Variants in FSIP2 observed in about 807,000 individuals in gnomAD.
FSIP2 encodes the protein fibrous sheath-interacting protein 2.
A neutral mutation model predicts 510.5 loss-of-function variants in FSIP2; 367 were observed. The observed-to-expected ratio is 0.72, with a 90% CI of 0.66 to 0.78. The LOEUF (loss-of-function observed/expected upper bound fraction) is 0.78, where lower values mean the gene tolerates loss of function less well. Ranked by LOEUF, FSIP2 falls within the 30% of genes least tolerant of loss-of-function variation. FSIP2 has a pLI of 0.00. For missense variants in FSIP2, 7,594 were observed against 7,901.7 expected (o/e 0.96, Z 1.48); for synonymous variants, 2,601 against 2,732.2 (o/e 0.95, Z 1.50).
In FSIP2 at chr2:185,794,070, C is replaced by G; in HGVS notation, c.6934C>G (p.Leu2312Val). ...SSQVESDVNV[L>V]KISATETILS... ...CCAAGTGGAATCAGATGTAAATGTC[C>G]TGAAAATATCAGCAACTGAAACCAT... Residue 2312 changes from leucine to valine, a missense_variant, in exon 16 of 23, where the codon CTG becomes GTG. By Grantham distance (32) the Leu-to-Val change is conservative. Transcript: ENST00000424728. 1 of 1,531,372 alleles carries G rather than the reference C, an allele frequency of 6.5e-7. No individual in the cohort carries two copies. The highest frequency in any genetic ancestry group is 1.2e-5 in the South Asian group (1 of 83,580). 94.9% of individuals were successfully genotyped at this position (1,531,372 alleles called of 1,614,324 possible). A position where few individuals can be genotyped will look rare whatever the true frequency, so the allele number is the denominator to read the frequency against.
chr2:185,825,871 T>A (rs2105685753), intron 20 of FSIP2, among the ~76,000 whole-genome samples: 1 of 151,980 alleles, frequency 6.6e-6, no homozygotes, highest in African/African-American at 2.4e-5. Flanking sequence ...TTAAACAAGA[T>A]AATTCCAGAC....
At position 185,802,461 on chromosome 2, in the gene FSIP2, T is replaced by C. The variant is rs765767431; in HGVS notation, c.13155T>C (p.His4385=). The C allele has an allele frequency of 2.0e-6, 3 of 1,533,660 alleles. No homozygotes were observed. Among genetic ancestry groups the C allele is most frequent in the Middle Eastern group, 1.7e-4 (1 of 5,996 alleles). The part of the protein sequence containing the change: ...TSVYRNALKQ[H]GLDLAVDKES... Reference sequence around the variant, plus strand: ...TTTATAGAAATGCTTTAAAGCAGCATGGGCTAGACCTTGCTGTTGATAAAG... The same window carrying C: ...TTTATAGAAATGCTTTAAAGCAGCACGGGCTAGACCTTGCTGTTGATAAAG... The change falls in exon 17 of 23, where the codon CAT becomes CAC. Residue 4385 remains histidine (H), a synonymous_variant. Transcript: ENST00000424728.
intron 13 of FSIP2, among the ~76,000 whole-genome samples, chr2:185,775,455 T>C (rs1325074415): frequency 1.3e-5 from 2 of 151,614 alleles, no homozygotes; most frequent in Admixed American, 6.6e-5. Flanking sequence ...TTTGTTTGAG[T>C]TCATTGTAGA....
chr2:185,800,386 G>T lies in FSIP2; in HGVS notation c.11080G>T (p.Glu3694Ter). The T allele has an allele frequency of 6.5e-7, 1 of 1,527,700 alleles. No individual in the cohort carries two copies. Among genetic ancestry groups the T allele is most frequent in the East Asian group, 2.5e-5 (1 of 40,794 alleles). The allele number at this position is 1,527,700 out of a possible 1,614,324, so 94.6% of individuals were successfully genotyped here. A position where few individuals can be genotyped will look rare whatever the true frequency, so the allele number is the denominator to read the frequency against. ...TAACCTAAAAACAAGTGAATCCAAA[G>T]AAGTAGTCAATAAAGTTTTTAATAT... ...VGNLKTSESK[E>*]VVNKVFNIVS... Residue 3694 changes from glutamate to a stop codon, truncating the protein, a stop_gained, in exon 17 of 23, where the codon GAA becomes TAA. Coordinates refer to ENST00000424728, the MANE Select transcript of FSIP2 (RefSeq NM_173651.4). LOFTEE classifies it high-confidence loss of function.
At chr2:185,811,711 G>A (rs1230750078) in intron 17 of FSIP2, among the ~76,000 whole-genome samples, 1 of 152,060 alleles carries the variant, frequency 6.6e-6, no homozygotes, top group Non-Finnish European at 1.5e-5. Flanking sequence ...AGGCCTAGGA[G>A]CAAAGAATGG....
At chr2:185,759,373 CTACTT>C (rs1399249002) in intron 9 of FSIP2, among the ~76,000 whole-genome samples, 2 of 147,330 alleles carry the variant, frequency 1.4e-5, no homozygotes, top group Non-Finnish European at 3.0e-5. Context: ...TGGATAAACT[CTACTT>C]ATTCATAATG....
In FSIP2 at chr2:185,795,326, G is replaced by T. The variant is rs1559029235; in HGVS notation, c.8190G>T (p.Leu2730Phe). 2 of 1,534,786 alleles carry T rather than the reference G, an allele frequency of 1.3e-6. No homozygotes were observed. Among genetic ancestry groups the T allele is most frequent in the Admixed American group, 2.0e-5 (1 of 50,878 alleles). The change falls in exon 16 of 23, where the codon TTG (leucine) becomes TTT (phenylalanine). Residue 2730 changes from leucine to phenylalanine, a missense_variant. Leu to Phe is a conservative substitution (Grantham distance 22, BLOSUM62 0). Coordinates refer to ENST00000424728, the MANE Select transcript of FSIP2 (RefSeq NM_173651.4). ...CCAAAAATTTACTGGACACAAAATT[G>T]CCCACTTCAGAACTAAAAATATATG... is the stretch of plus-strand genomic sequence containing the variant. The part of the protein sequence containing the change: ...GDAKNLLDTK[L>F]PTSELKIYAK...
Position 185,808,741 on chromosome 2 carries a change from C to G in FSIP2, c.19435C>G (p.Leu6479Val). The part of the protein sequence containing the change: ...TINSTISNAD[L>V]SGELDVNRIV... The stretch of plus-strand genomic sequence containing the variant: ...TAACTCAACAATTTCAAATGCTGAT[C>G]TCTCTGGAGAGCTAGACGTTAATAG... The change falls in exon 17 of 23, where the codon CTC (leucine) becomes GTC (valine). Residue 6479 changes from leucine to valine, a missense_variant. Coordinates refer to ENST00000424728, the MANE Select transcript of FSIP2 (RefSeq NM_173651.4). 3 of 1,612,540 alleles carry G rather than the reference C, an allele frequency of 1.9e-6. No homozygotes were observed. Among genetic ancestry groups the G allele is most frequent in the Non-Finnish European group, 1.7e-6 (2 of 1,179,256 alleles).
rs528174421 is a variant in FSIP2, at chr2:185,743,141, A to G, written c.234A>G (p.Arg78=). The G allele has an allele frequency of 9.5e-6, 14 of 1,470,478 alleles. No homozygotes were observed. The South Asian group carries it at 1.2e-4, about 13-fold the overall frequency. The allele number at this position is 1,470,478 out of a possible 1,614,324, so 91.1% of individuals were successfully genotyped here. The part of the protein sequence containing the change: ...YTTNFGEKLF[R]PSYGFNLTDP... ...TGAATCTGTGTTTGCAGCTTTTTCG[A>G]CCTTCTTATGGTTTTAACCTGACTG... The change falls in exon 3 of 23, where the codon CGA becomes CGG. Residue 78 remains arginine (R), a synonymous_variant. Coordinates refer to ENST00000424728, the MANE Select transcript of FSIP2 (RefSeq NM_173651.4).
At chr2:185,738,790 G>C (rs1691848529), upstream of FSIP2, 3 of 1,536,000 alleles carry the variant, frequency 2.0e-6, no homozygotes, top group East Asian at 4.9e-5. Context: ...GGCTGAGGTC[G>C]TTGGGCTCTG....
chr2:185,804,647 C>G lies in FSIP2; in HGVS notation c.15341C>G (p.Pro5114Arg), dbSNP rs897809405. The stretch of plus-strand genomic sequence containing the variant: ...TTGCCACCATATATTACTGTGTTGC[C>G]TCATTCTCTTTTAGAAGATATGGTT... ...HALPPYITVL[P>R]HSLLEDMVYR... The change falls in exon 17 of 23, where the codon CCT (proline) becomes CGT (arginine). Residue 5114 changes from proline (P) to arginine (R), a missense_variant. By Grantham distance (103) the Pro-to-Arg change is moderately radical. Transcript: ENST00000424728. 1 of 1,532,954 alleles carries G rather than the reference C, an allele frequency of 6.5e-7. No homozygotes were observed. Among genetic ancestry groups the G allele is most frequent in the Non-Finnish European group, 8.7e-7 (1 of 1,144,844 alleles). The allele number at this position is 1,532,954 out of a possible 1,614,324, so 95.0% of individuals were successfully genotyped here.
At chr2:185,787,885 A>T (rs1049832760) in intron 15 of FSIP2, 4 of 151,596 alleles carry the variant, frequency 2.6e-5, no homozygotes, top group South Asian at 2.1e-4. Flanking sequence ...TTGTTACCTT[A>T]CTTTAGTATC....
At chr2:185,768,246 C>G (rs1442501871) in intron 13 of FSIP2, among the ~76,000 whole-genome samples, 2 of 152,000 alleles carry the variant, frequency 1.3e-5, no homozygotes, top group African/African-American at 4.8e-5. Context: ...TGTTTTACAG[C>G]AATGCAAAAA....
At chr2:185,745,165 G>A in intron 4 of FSIP2, 2 of 236,256 alleles carry the variant, frequency 8.5e-6, no homozygotes, top group Non-Finnish European at 8.0e-6. Flanking sequence ...TTCATTCTGT[G>A]CCCAGTGTTT....
rs1309234114 is a variant in FSIP2, at chr2:185,790,788, T to C, written c.3652T>C (p.Tyr1218His). 6 of 1,532,044 alleles carry C rather than the reference T, an allele frequency of 3.9e-6. No individual in the cohort carries two copies. Among genetic ancestry groups the C allele is most frequent in the Non-Finnish European group, 5.2e-6 (6 of 1,144,420 alleles). The allele number at this position is 1,532,044 out of a possible 1,614,324, so 94.9% of individuals were successfully genotyped here. Residue 1218 changes from tyrosine (Y) to histidine (H), a missense_variant, in exon 16 of 23, where the codon TAC becomes CAC. By Grantham distance (83) the Tyr-to-His change is moderately conservative. Transcript: ENST00000424728. ...EHIVKEAPNK[Y>H]PLKTWFDSEK... ...CATAGTCAAAGAAGCACCAAATAAA[T>C]ACCCATTAAAAACATGGTTTGACAG...
At chr2:185,768,832 TC>T (rs1239666264) in intron 13 of FSIP2, among the ~76,000 whole-genome samples, 1 of 152,018 alleles carries the variant, frequency 6.6e-6, no homozygotes, top group East Asian at 1.9e-4. Context: ...CCTCTTCGAG[TC>T]CATGTTTTCT....
intron 17 of FSIP2, among the ~76,000 whole-genome samples, chr2:185,810,165 T>G (rs183606379): frequency 6.6e-6 from 1 of 152,206 alleles, no homozygotes; most frequent in East Asian, 1.9e-4. Context: ...AACATGCTAA[T>G]TAATGCTTTA....
chr2:185,792,605 T>C lies in FSIP2; in HGVS notation c.5469T>C (p.Val1823=), dbSNP rs1693164191. ...ATGAGCCAACTCCCCAAACATCTGT[T>C]CAATTTATGGATAAAATGATGGATC... ...NVDEPTPQTS[V]QFMDKMMDPL... Residue 1823 remains valine, a synonymous_variant, in exon 16 of 23, where the codon GTT becomes GTC. Transcript: ENST00000424728. The C allele has an allele frequency of 6.5e-7, 1 of 1,534,048 alleles. No individual in the cohort carries two copies. The highest frequency in any genetic ancestry group is 8.7e-7 in the Non-Finnish European group (1 of 1,145,544).
At chr2:185,832,985 C>T (rs1259845580) in intron 22 of FSIP2, 105 bp from the exon 23 acceptor site, 1 of 888,856 alleles carries the variant, frequency 1.1e-6, no homozygotes, top group African/African-American at 1.7e-5. Flanking sequence ...AGTCTGGACC[C>T]TATTACCAGC....
Sources: gnomAD v4.1 joint callset for allele counts (sites outside exome capture counted in the v4.1 genomes callset) on GRCh38, gnomAD v4.1.1 for gene constraint, MANE v1.5 for transcripts, NCBI Gene and HGNC (gene_info 2026-07-23, HGNC 2026-07-21) for gene names.